Variants in MAP4K4 observed in about 807,000 individuals in gnomAD.
MAP4K4 encodes HPK/GCK-like kinase HGK.
MAP4K4 carries 38 observed loss-of-function variants against 189.6 expected under a neutral mutation model. The observed-to-expected ratio is 0.20, with a 90% CI of 0.15 to 0.26. The LOEUF (loss-of-function observed/expected upper bound fraction) is 0.26. Among genes scored for constraint, MAP4K4 ranks in the 10% least tolerant of loss-of-function variants. MAP4K4 has a pLI of 1.00. For missense variants in MAP4K4, 1,054 were observed against 1,726.9 expected, an observed-to-expected ratio of 0.61 and a Z score of 6.91; for synonymous variants, 610 against 624.3, an observed-to-expected ratio of 0.98 and a Z score of 0.34.
chr2:101,773,583 G>T (rs1409065794), intron 2 of MAP4K4, among the ~76,000 whole-genome samples: 2 of 152,130 alleles, frequency 1.3e-5, no homozygotes, highest in Non-Finnish European at 2.9e-5. Flanking sequence ...TTTATCCTTT[G>T]TGTTAGAAAC....
chr2:101,756,292 A>G (rs1468167394), intron 2 of MAP4K4, among the ~76,000 whole-genome samples: 2 of 151,736 alleles, frequency 1.3e-5, no homozygotes, highest in African/African-American at 4.8e-5. Context: ...CTGCTGTCAG[A>G]CCCTCCTGCA....
intron 7 of MAP4K4, among the ~76,000 whole-genome samples, chr2:101,832,928 G>T (rs771853679): frequency 3.9e-5 from 6 of 152,116 alleles, no homozygotes; most frequent in Non-Finnish European, 8.8e-5. Context: ...AACTGGAAAG[G>T]TGTAATTTGT....
intron 3 of MAP4K4, among the ~76,000 whole-genome samples, chr2:101,801,052 C>T (rs994585302): frequency 1.3e-5 from 2 of 151,996 alleles, no homozygotes; most frequent in Non-Finnish European, 2.9e-5. Context: ...AAAATGGATA[C>T]TGTCCTTTCA....
At chr2:101,805,072 C>CA (rs36081384) in intron 3 of MAP4K4, among the ~76,000 whole-genome samples, 1,451 of 55,998 alleles carry the variant, frequency 0.026, 32 homozygotes, top group African/African-American at 0.048. Context: ...GACTCCAGAT[C>CA]AAAAAAAAAA....
chr2:101,771,172 G>T (rs1427935378), intron 2 of MAP4K4, among the ~76,000 whole-genome samples: 1 of 152,186 alleles, frequency 6.6e-6, no homozygotes, highest in African/African-American at 2.4e-5. Flanking sequence ...CTGTCCTAAG[G>T]TTGGGGGATG....
chr2:101,757,694 A>C lies in MAP4K4; in HGVS notation c.124-33026A>C, dbSNP rs150862043. On this transcript the variant is annotated intron_variant, in intron 2 of 32. Transcript: ENST00000324219. ...AAAATTTAATTTGTAAGTTAGGCAC[A>C]GTAAGAGATTAACAACAAAAGCTAA... Among the ~76,000 whole-genome samples, 14 of 152,332 alleles carry C rather than the reference A, an allele frequency of 9.2e-5. No individual in the cohort carries two copies. The East Asian group carries it at 2.7e-3, about 29-fold the overall frequency.
chr2:101,863,004 A>G (rs2097711491), intron 16 of MAP4K4, among the ~76,000 whole-genome samples: 1 of 152,202 alleles, frequency 6.6e-6, no homozygotes, highest in South Asian at 2.1e-4. Context: ...TAATTTAATG[A>G]AAATATTTTA....
chr2:101,888,063 C>T, intron 31 of MAP4K4, 126 bp downstream of exon 31: 2 of 718,290 alleles, frequency 2.8e-6, no homozygotes, highest in Non-Finnish European at 2.1e-6. Context: ...GAGTAGTTGG[C>T]AGTAGATGGT....
chr2:101,881,550 C>T (rs2098390777), intron 27 of MAP4K4, among the ~76,000 whole-genome samples: 1 of 152,066 alleles, frequency 6.6e-6, no homozygotes, highest in Non-Finnish European at 1.5e-5. Context: ...GCTAGGACAC[C>T]CAATATAACA....
At chr2:101,760,036 G>A (rs1185832163) in intron 2 of MAP4K4, among the ~76,000 whole-genome samples, 1 of 151,832 alleles carries the variant, frequency 6.6e-6, no homozygotes, top group Non-Finnish European at 1.5e-5. Flanking sequence ...TGTAGAGATG[G>A]GGTTTCACTA....
At chr2:101,760,583 A>G (rs895560134) in intron 2 of MAP4K4, among the ~76,000 whole-genome samples, 1 of 149,052 alleles carries the variant, frequency 6.7e-6, no homozygotes, top group East Asian at 2.0e-4. Flanking sequence ...TTCTCACACT[A>G]TTTTGGTTCT....
At chr2:101,825,348 C>G (rs1272661547) in exon 5 of MAP4K4, 1 of 1,612,638 alleles carries the variant, frequency 6.2e-7, no homozygotes. Context: ...GGGCTGGGTC[C>G]ATTACAGACC....
intron 2 of MAP4K4, among the ~76,000 whole-genome samples, chr2:101,732,661 C>T (rs1478329424): frequency 6.6e-6 from 1 of 152,180 alleles, no homozygotes; most frequent in African/African-American, 2.4e-5. Context: ...ACCATCTCGG[C>T]TCACTGCAAT....
At chr2:101,718,576 G>A (rs1018590250) in intron 2 of MAP4K4, among the ~76,000 whole-genome samples, 1 of 123,666 alleles carries the variant, frequency 8.1e-6, no homozygotes, top group African/African-American at 3.0e-5. Context: ...GGGGTGGGGG[G>A]GTGGGGGGGA....
chr2:101,830,052 G>A (rs1293067261), intron 6 of MAP4K4, among the ~76,000 whole-genome samples: 2 of 151,744 alleles, frequency 1.3e-5, no homozygotes, highest in African/African-American at 2.4e-5. Flanking sequence ...GCCTTTGCAT[G>A]ACTATTTCCC....
At chr2:101,865,360 G>A (rs1350357419) in intron 18 of MAP4K4, among the ~76,000 whole-genome samples, 1 of 152,126 alleles carries the variant, frequency 6.6e-6, no homozygotes, top group Non-Finnish European at 1.5e-5. Context: ...TCATCTAAGG[G>A]ATGTTGTAAG....
At chr2:101,770,439 G>A (rs937241319) in intron 2 of MAP4K4, among the ~76,000 whole-genome samples, 11 of 151,804 alleles carry the variant, frequency 7.2e-5, no homozygotes, top group South Asian at 2.1e-4. Context: ...AGTAGACCCA[G>A]CTAATTTTTT....
chr2:101,701,297 G>A (rs1482913110), intron 2 of MAP4K4, among the ~76,000 whole-genome samples: 2 of 152,064 alleles, frequency 1.3e-5, no homozygotes, highest in Non-Finnish European at 2.9e-5. Flanking sequence ...CTTTTGGGGC[G>A]AACGACTCTC....
chr2:101,801,145 G>A (rs1387353723), intron 3 of MAP4K4, among the ~76,000 whole-genome samples: 1 of 152,060 alleles, frequency 6.6e-6, no homozygotes, highest in East Asian at 1.9e-4. Flanking sequence ...TTGGGCGGCT[G>A]TACATGCAAA....
Sources: gnomAD v4.1 joint callset for allele counts (sites outside exome capture counted in the v4.1 genomes callset) on GRCh38, gnomAD v4.1.1 for gene constraint, MANE v1.5 for transcripts, NCBI Gene and HGNC (gene_info 2026-07-23, HGNC 2026-07-21) for gene names.